OOSP4A: variants seen among roughly 807,000 people sequenced by gnomAD.
OOSP4A encodes the protein oocyte secreted protein family member 4A.
At chr11:59,968,990 A>G (rs888458676) in intron 3 of OOSP4A, among the ~76,000 whole-genome samples, 160 bp from the exon 4 acceptor site, 2 of 152,224 alleles carry the variant, frequency 1.3e-5, no homozygotes, top group Non-Finnish European at 2.9e-5. Context: ...TATTCTGTGA[A>G]ACAACACATT....
At chr11:59,964,537 T>C (rs1565032738) in intron 1 of OOSP4A, among the ~76,000 whole-genome samples, 2 of 152,156 alleles carry the variant, frequency 1.3e-5, no homozygotes, top group African/African-American at 4.8e-5. Flanking sequence ...TTGTATATGA[T>C]TCTTTTCAGA....
At chr11:59,967,000 T>A (rs1590564352) in intron 2 of OOSP4A, 67 bp from the exon 3 acceptor site, 2 of 395,824 alleles carry the variant, frequency 5.1e-6, no homozygotes, top group African/African-American at 2.1e-5. Flanking sequence ...TCTATATTTT[T>A]AAAATGGAAT....
At chr11:59,965,779 A>G (rs1171392296) in intron 2 of OOSP4A, 66 bp downstream of exon 2, 1 of 397,584 alleles carries the variant, frequency 2.5e-6, no homozygotes, top group Non-Finnish European at 4.4e-6. Context: ...CAAACCAATG[A>G]CTAAAACTGC....
intron 2 of OOSP4A, among the ~76,000 whole-genome samples, chr11:59,966,037 C>T (rs746549712): frequency 6.6e-6 from 1 of 151,716 alleles, no homozygotes; most frequent in African/African-American, 2.4e-5. Flanking sequence ...AGAAACATTT[C>T]GTTTTGAAAC....
exon 4 of OOSP4A, chr11:59,969,258 G>C: frequency 2.5e-6 from 1 of 398,642 alleles, no homozygotes; most frequent in Non-Finnish European, 4.4e-6. Flanking sequence ...TTGAAGACTT[G>C]GAAATCCGTC....
chr11:59,965,375 T>C (rs566683635), intron 1 of OOSP4A, among the ~76,000 whole-genome samples, 160 bp from the exon 2 acceptor site: 46 of 152,264 alleles, frequency 3.0e-4, no homozygotes, highest in Non-Finnish European at 5.9e-4. Context: ...AGAGATTAAT[T>C]GACCCAAGAT....
intron 3 of OOSP4A, among the ~76,000 whole-genome samples, chr11:59,967,880 G>A (rs1042227952): frequency 9.2e-5 from 14 of 151,990 alleles, no homozygotes; most frequent in African/African-American, 3.1e-4. Flanking sequence ...AACCAATTTT[G>A]AAGGTTGTCT....
chr11:59,964,329 A>AT (rs937053128), intron 1 of OOSP4A, among the ~76,000 whole-genome samples: 78 of 149,912 alleles, frequency 5.2e-4, no homozygotes, highest in African/African-American at 1.7e-3. Flanking sequence ...GTTGTTTTTT[A>AT]TTTTTTTTTA....
chr11:59,965,414 G>A (rs1428193096), intron 1 of OOSP4A, 121 bp from the exon 2 acceptor site: 2 of 396,338 alleles, frequency 5.0e-6, no homozygotes, highest in Non-Finnish European at 4.4e-6. Flanking sequence ...ACAAATAGGA[G>A]CAAAACATTT....
exon 4 of OOSP4A, chr11:59,969,173 T>C (rs1854132429): frequency 2.5e-6 from 1 of 398,594 alleles, no homozygotes; most frequent in African/African-American, 2.1e-5. Context: ...ATCTTAGTAA[T>C]GAGAGGGAGA....
Position 59,965,718 on chromosome 11 carries a change from G to A in OOSP4A, c.246+5G>A, listed in dbSNP as rs1854091913. On this transcript the variant is annotated splice_donor_5th_base_variant and intron_variant, in intron 2 of 4. Transcript: ENST00000645590. Reference sequence around the variant, plus strand: ...TTTTGTGGCATCAGAGTGAGCGTAAGAGCAGTTATTATTTCAACCAATAAT... The same window carrying A: ...TTTTGTGGCATCAGAGTGAGCGTAAAAGCAGTTATTATTTCAACCAATAAT... The A allele has an allele frequency of 5.0e-6, 2 of 398,402 alleles. No homozygotes were observed. The highest frequency in any genetic ancestry group is 8.9e-6 in the Non-Finnish European group (2 of 225,928). 24.7% of individuals were successfully genotyped at this position (398,402 alleles called of 1,614,324 possible). A position where few individuals can be genotyped will look rare whatever the true frequency, so the allele number is the denominator to read the frequency against.
intron 2 of OOSP4A, among the ~76,000 whole-genome samples, chr11:59,965,965 G>A (rs1014843755): frequency 5.3e-5 from 8 of 151,990 alleles, no homozygotes; most frequent in Non-Finnish European, 8.8e-5. Context: ...TTTTGCCTGT[G>A]ATAGTGTTTT....
downstream of OOSP4A, chr11:59,970,276 G>A (rs929312120): frequency 5.4e-5 from 21 of 388,028 alleles, no homozygotes; most frequent in South Asian, 2.9e-4. Flanking sequence ...TTTATGAACC[G>A]TTGGGGTAGG....
At chr11:59,965,154 G>T (rs1248117430) in intron 1 of OOSP4A, among the ~76,000 whole-genome samples, 2 of 123,760 alleles carry the variant, frequency 1.6e-5, no homozygotes, top group Non-Finnish European at 3.4e-5. Flanking sequence ...GGTGGGGGAG[G>T]GGGGAGGGGG....
intron 3 of OOSP4A, among the ~76,000 whole-genome samples, chr11:59,968,837 G>A (rs1034801521): frequency 6.6e-6 from 1 of 152,186 alleles, no homozygotes; most frequent in Non-Finnish European, 1.5e-5. Context: ...GATGTCTGTT[G>A]AGATGATTAG....
At chr11:59,967,331 C>T (rs1232859789) in intron 3 of OOSP4A, among the ~76,000 whole-genome samples, 167 bp downstream of exon 3, 2 of 152,160 alleles carry the variant, frequency 1.3e-5, no homozygotes, top group African/African-American at 4.8e-5. Context: ...AATTGATTCT[C>T]TCAATGTAGT....
At chr11:59,964,172 A>G (rs954753846) in intron 1 of OOSP4A, 73 bp downstream of exon 1, 13 of 372,588 alleles carry the variant, frequency 3.5e-5, no homozygotes, top group African/African-American at 3.1e-4. Context: ...TTTTTTTAAC[A>G]TATTGTTGAC....
At chr11:59,968,939 T>G (rs1417097805) in intron 3 of OOSP4A, among the ~76,000 whole-genome samples, 1 of 152,202 alleles carries the variant, frequency 6.6e-6, no homozygotes, top group Non-Finnish European at 1.5e-5. Flanking sequence ...CATTTTGGGA[T>G]AATGAAAAGT....
At chr11:59,970,338 A>G (rs1854141859), downstream of OOSP4A, among the ~76,000 whole-genome samples, 1 of 152,214 alleles carries the variant, frequency 6.6e-6, no homozygotes, top group African/African-American at 2.4e-5. Flanking sequence ...GGTATTCTTA[A>G]ATAAAGTTTT....
Sources: allele counts gnomAD v4.1 joint callset (sites outside exome capture counted in the v4.1 genomes callset), GRCh38; gene constraint gnomAD v4.1.1; transcripts MANE v1.5; gene names NCBI Gene and HGNC (gene_info 2026-07-23, HGNC 2026-07-21).